MSRA: variants seen among roughly 807,000 people sequenced by gnomAD.
MSRA encodes methionine sulfoxide reductase A.
Under a neutral mutation model 31.3 loss-of-function variants are expected in MSRA, and 54 were observed. The observed-to-expected ratio is 1.73, with a 90% confidence interval of 1.39 to 2.17. The LOEUF is 2.17. MSRA is among the 30% of genes most tolerant of loss of function. The pLI, the probability that MSRA is intolerant of heterozygous loss-of-function variation, is 0.00. For synonymous variants in MSRA, 169 were observed against 116.5 expected (o/e 1.45, Z -2.90); for missense variants, 507 against 300.9 (o/e 1.69, Z -5.07).
At chr8:10,358,169 T>C (rs570877816) in intron 5 of MSRA, among the ~76,000 whole-genome samples, 1 of 152,302 alleles carries the variant, frequency 6.6e-6, no homozygotes, top group African/African-American at 2.4e-5. Context: ...CCCCGGGTGA[T>C]CTGTCCACCT....
intron 1 of MSRA, among the ~76,000 whole-genome samples, chr8:10,119,233 T>C (rs559389266): frequency 1.8e-4 from 28 of 152,376 alleles, no homozygotes; most frequent in African/African-American, 6.0e-4. Context: ...TATTTTAATA[T>C]TGCTGTATAA....
intron 1 of MSRA, among the ~76,000 whole-genome samples, chr8:10,115,051 C>T (rs1424801384): frequency 6.6e-6 from 1 of 152,120 alleles, no homozygotes; most frequent in Non-Finnish European, 1.5e-5. Flanking sequence ...CAGTGGATTG[C>T]TGGAACAAAA....
At chr8:10,397,271 T>G (rs1807154335) in intron 5 of MSRA, among the ~76,000 whole-genome samples, 1 of 152,218 alleles carries the variant, frequency 6.6e-6, no homozygotes, top group African/African-American at 2.4e-5. Context: ...ATATTTAAGC[T>G]TCTCCCTTTG....
chr8:10,333,733 C>G (rs1052637881), intron 5 of MSRA, among the ~76,000 whole-genome samples: 1 of 151,858 alleles, frequency 6.6e-6, no homozygotes, highest in Non-Finnish European at 1.5e-5. Context: ...GGCCCCCCTC[C>G]ATGTTCGCAT....
At chr8:10,096,230 A>T in intron 1 of MSRA, 1 of 1,214,040 alleles carries the variant, frequency 8.2e-7, no homozygotes, top group Non-Finnish European at 1.0e-6. Flanking sequence ...GCTGTCCTAA[A>T]CTACATCCCC....
chr8:10,428,457 C>T lies in MSRA; in HGVS notation c.*145C>T. The T allele has an allele frequency of 1.2e-6, 1 of 842,938 alleles. No individual in the cohort carries two copies. Among genetic ancestry groups the T allele is most frequent in the Non-Finnish European group, 1.8e-6 (1 of 546,698 alleles). 52.2% of individuals were successfully genotyped at this position (842,938 alleles called of 1,614,324 possible). On this transcript the variant is annotated 3_prime_UTR_variant, in exon 6 of 6. Transcript: ENST00000317173. The stretch of plus-strand genomic sequence containing the variant: ...CAGATTGGGTTTACCGAAGTATAAT[C>T]TATAGGAGGCGCGATGGCAAGTTGA...
At chr8:10,101,136 A>G (rs555380592) in intron 1 of MSRA, among the ~76,000 whole-genome samples, 1 of 152,154 alleles carries the variant, frequency 6.6e-6, no homozygotes, top group Non-Finnish European at 1.5e-5. Context: ...CATCTCCCCA[A>G]ACTGAGTTTG....
chr8:10,110,937 G>T (rs1426034419), intron 1 of MSRA, among the ~76,000 whole-genome samples: 1 of 152,252 alleles, frequency 6.6e-6, no homozygotes, highest in South Asian at 2.1e-4. Context: ...ACCATCTCCA[G>T]TCTAGCAATT....
At chr8:10,373,536 T>C (rs1159393388) in intron 5 of MSRA, among the ~76,000 whole-genome samples, 1 of 152,266 alleles carries the variant, frequency 6.6e-6, no homozygotes, top group Non-Finnish European at 1.5e-5. Flanking sequence ...CTTGCCCAGC[T>C]ACTGACTGGT....
At chr8:10,341,990 G>C (rs1046405104) in intron 5 of MSRA, among the ~76,000 whole-genome samples, 1 of 152,166 alleles carries the variant, frequency 6.6e-6, no homozygotes, top group South Asian at 2.1e-4. Context: ...CCCAGCCCAA[G>C]GTTAGGGGCT....
rs368757526 is a variant in MSRA at position 10,369,403 on chromosome 8, C to T, written c.543+49414C>T. On this transcript the variant is annotated intron_variant, in intron 5 of 5. Transcript: ENST00000317173. ...CTTTAATTGCAGACAAAGTACCCAACGAAATCAAACACTGAAATTTCAAAA... is the reference window on the plus strand; with the variant it reads ...CTTTAATTGCAGACAAAGTACCCAATGAAATCAAACACTGAAATTTCAAAA... Among the ~76,000 whole-genome samples, 55 of 152,230 alleles carry T rather than the reference C, an allele frequency of 3.6e-4. 2 individuals are homozygous for T. The highest frequency in any genetic ancestry group is 2.3e-3 in the South Asian group (11 of 4,820).
At chr8:10,170,010 G>A (rs1293112474) in intron 1 of MSRA, among the ~76,000 whole-genome samples, 5 of 146,958 alleles carry the variant, frequency 3.4e-5, no homozygotes, top group Admixed American at 1.4e-4. Context: ...CTACCTCCTG[G>A]GCTCAAGTGT....
intron 1 of MSRA, among the ~76,000 whole-genome samples, chr8:10,134,764 TA>T (rs1802149146): frequency 6.6e-6 from 1 of 152,378 alleles, no homozygotes; most frequent in African/African-American, 2.4e-5. Flanking sequence ...ACAGAGCAAC[TA>T]GACCAAACGC....
At chr8:10,107,347 A>G (rs2129011592) in intron 1 of MSRA, among the ~76,000 whole-genome samples, 1 of 152,116 alleles carries the variant, frequency 6.6e-6, no homozygotes, top group African/African-American at 2.4e-5. Flanking sequence ...GAGGTCATTT[A>G]GTTTGCCTCC....
intron 1 of MSRA, among the ~76,000 whole-genome samples, chr8:10,107,133 G>A (rs991470459): frequency 4.6e-5 from 7 of 152,254 alleles, no homozygotes; most frequent in South Asian, 4.1e-4. Flanking sequence ...GTGGCCAAGC[G>A]CAGTGACTGT....
At chr8:10,178,311 C>A (rs552159971) in intron 1 of MSRA, among the ~76,000 whole-genome samples, 1 of 152,046 alleles carries the variant, frequency 6.6e-6, no homozygotes, top group Admixed American at 6.6e-5. Context: ...CATTCCAGGC[C>A]GGACACGGTG....
At chr8:10,278,625 G>T (rs527774806) in intron 3 of MSRA, among the ~76,000 whole-genome samples, 1 of 152,310 alleles carries the variant, frequency 6.6e-6, no homozygotes, top group East Asian at 1.9e-4. Flanking sequence ...ACATTCTTGG[G>T]AGACCTCACC....
intron 5 of MSRA, among the ~76,000 whole-genome samples, chr8:10,396,683 A>C (rs1382101832): frequency 6.6e-6 from 1 of 152,216 alleles, no homozygotes; most frequent in Admixed American, 6.5e-5. Flanking sequence ...TCTTTCCCCA[A>C]GGGAACTGCC....
intron 2 of MSRA, among the ~76,000 whole-genome samples, chr8:10,233,704 T>TTTACGA (rs1811691967): frequency 6.6e-6 from 1 of 152,224 alleles, no homozygotes; most frequent in African/African-American, 2.4e-5. Flanking sequence ...AGTTGAGATG[T>TTTACGA]GTCAACTGAC....
Sources: gnomAD v4.1 joint callset for allele counts (sites outside exome capture counted in the v4.1 genomes callset) on GRCh38, gnomAD v4.1.1 for gene constraint, MANE v1.5 for transcripts, NCBI Gene and HGNC (gene_info 2026-07-23, HGNC 2026-07-21) for gene names.